Variants in CHMP4C observed in about 807,000 individuals in gnomAD.
CHMP4C encodes the protein charged multivesicular body protein 4C.
In CHMP4C, 28 loss-of-function variants were observed where a neutral mutation model predicts 29.0. The ratio of observed to expected loss-of-function variants is 0.97; its 90% CI spans 0.72 to 1.32. The LOEUF (loss-of-function observed/expected upper bound fraction) is 1.32. CHMP4C is among the 40% of genes most tolerant of loss of function. The probability of loss-of-function intolerance (pLI) is 0.00; values close to 1 mark genes in which losing one functional copy is unlikely to be tolerated. For synonymous variants in CHMP4C, 106 were observed against 102.4 expected (o/e 1.04, Z -0.21); for missense variants, 291 against 281.0 (o/e 1.04, Z -0.25).
intron 1 of CHMP4C, among the ~76,000 whole-genome samples, chr8:81,741,480 A>G (rs1808761254): frequency 6.6e-6 from 1 of 152,136 alleles, no homozygotes; most frequent in Non-Finnish European, 1.5e-5. Context: ...ATTTCTCAGT[A>G]CTTAGGACCA....
chr8:81,743,855 T>G (rs1443381937), intron 1 of CHMP4C, among the ~76,000 whole-genome samples: 1 of 152,218 alleles, frequency 6.6e-6, no homozygotes. Flanking sequence ...TTTGCCCGTT[T>G]GCTGTCTCTC....
chr8:81,739,421 G>GGT (rs1563618649), intron 1 of CHMP4C, among the ~76,000 whole-genome samples: 1 of 140,834 alleles, frequency 7.1e-6, no homozygotes. Context: ...GGGATTGTGG[G>GGT]GGGGGGTGGA....
chr8:81,744,136 C>T (rs1474123221), intron 1 of CHMP4C, among the ~76,000 whole-genome samples: 2 of 151,972 alleles, frequency 1.3e-5, no homozygotes, highest in Non-Finnish European at 2.9e-5. Context: ...TGCTATTTAC[C>T]CTCCATGTGA....
At chr8:81,747,980 AC>A (rs892771325) in intron 1 of CHMP4C, among the ~76,000 whole-genome samples, 1 of 152,054 alleles carries the variant, frequency 6.6e-6, no homozygotes, top group African/African-American at 2.4e-5. Flanking sequence ...GCTATGGGAG[AC>A]CGGAGTCTAT....
chr8:81,736,919 A>G (rs1808699443), intron 1 of CHMP4C, among the ~76,000 whole-genome samples: 1 of 152,196 alleles, frequency 6.6e-6, no homozygotes, highest in African/African-American at 2.4e-5. Flanking sequence ...CTCCCTTCAA[A>G]TTTATCTGGC....
rs370252028 is a variant in CHMP4C at position 81,750,303 on chromosome 8, C to A, written c.191-2761C>A. 5.3e-5 allele frequency among the ~76,000 whole-genome samples: 8 copies of A among 151,980 alleles called. No homozygotes were observed. In the East Asian group the frequency reaches 1.4e-3, roughly 26 times the overall value. ...CAAGGAATTCTCCCAGAACATAGAT[C>A]AAAAAGACAAGGAGGGCTGGGTGTG... On this transcript the variant is annotated intron_variant, in intron 1 of 4. Coordinates refer to ENST00000297265, the MANE Select transcript of CHMP4C (RefSeq NM_152284.4).
At chr8:81,752,970 CAGA>C (rs1808925526) in intron 1 of CHMP4C, 91 bp from the exon 2 acceptor site, 7 of 1,018,650 alleles carry the variant, frequency 6.9e-6, no homozygotes, top group African/African-American at 3.3e-5. Context: ...CCTTAGTTAT[CAGA>C]AGGTCTAAGT....
intron 2 of CHMP4C, among the ~76,000 whole-genome samples, chr8:81,754,292 A>T (rs1808944597): frequency 6.6e-6 from 1 of 152,126 alleles, no homozygotes; most frequent in South Asian, 2.1e-4. Context: ...TGGCAGCATC[A>T]TACCATTGTA....
rs563783712 is a variant in CHMP4C, at chr8:81,739,189, C to T, written c.190+6373C>T. Among the ~76,000 whole-genome samples, 1,097 of 150,000 alleles carry T rather than the reference C, an allele frequency of 7.3e-3. 13 individuals are homozygous for T. Among genetic ancestry groups the T allele is most frequent in the African/African-American group, 0.025 (1,020 of 40,712 alleles). On this transcript the variant is annotated intron_variant, in intron 1 of 4. Transcript: ENST00000297265. Reference sequence around the variant, plus strand: ...TCGGCTCACTGCAACCTCTGCCTCCCGGGTTCAAGTGATTCTCCTGCCTCA... The same window carrying T: ...TCGGCTCACTGCAACCTCTGCCTCCTGGGTTCAAGTGATTCTCCTGCCTCA...
At chr8:81,756,674 G>C (rs1585948713) in intron 3 of CHMP4C, among the ~76,000 whole-genome samples, 1 of 152,246 alleles carries the variant, frequency 6.6e-6, no homozygotes, top group Non-Finnish European at 1.5e-5. Flanking sequence ...GAAAATGATG[G>C]AGGAGATGAT....
Position 81,752,638 on chromosome 8 carries a change from CT to C in CHMP4C, c.191-425del, listed in dbSNP as rs1191295832. ...CCTTTAAGCAAGTCACTTCACTTCT[CT>C]GGTCTCAATGAACTTGCCTTTAAGA... On this transcript the variant is annotated intron_variant, in intron 1 of 4. Transcript: ENST00000297265. Among the ~76,000 whole-genome samples the C allele has an allele frequency of 2.0e-5, 3 of 152,258 alleles. No individual in the cohort carries two copies. In the East Asian group the frequency reaches 5.8e-4, roughly 29 times the overall value.
chr8:81,753,166 A>G lies in CHMP4C; in HGVS notation c.293A>G (p.Asn98Ser), dbSNP rs751281896. ...TIEFQREALE[N>S]SHTNTEVLRN... is the part of the protein sequence containing the mutation. ...GAGTTCCAGAGAGAAGCCCTGGAGA[A>G]CTCACACACCAACACTGAGGTGTTG... Residue 98 changes from asparagine (N) to serine (S), a missense_variant, in exon 2 of 5, where the codon AAC becomes AGC. Physicochemically the swap from Asn to Ser is conservative, Grantham distance 46. Transcript: ENST00000297265. 1 of 1,612,492 alleles carries G rather than the reference A, an allele frequency of 6.2e-7. No individual in the cohort carries two copies. Among genetic ancestry groups the G allele is most frequent in the Non-Finnish European group, 8.5e-7 (1 of 1,179,112 alleles).
intron 1 of CHMP4C, among the ~76,000 whole-genome samples, chr8:81,743,824 T>C (rs986366483): frequency 1.3e-5 from 2 of 152,186 alleles, no homozygotes; most frequent in Non-Finnish European, 2.9e-5. Context: ...TCATTTCTGT[T>C]GGAAAATAAC....
rs529679940 is a variant in CHMP4C at position 81,732,830 on chromosome 8, T to A, written c.190+14T>A. 1.9e-5 allele frequency: 30 copies of A among 1,607,996 alleles called. No homozygotes were observed. The highest frequency in any genetic ancestry group is 2.5e-5 in the Non-Finnish European group (29 of 1,177,250). On this transcript the variant is annotated intron_variant, in intron 1 of 4. Coordinates refer to ENST00000297265, the MANE Select transcript of CHMP4C (RefSeq NM_152284.4). ...AGAATAAGCGAGGTAGGCTGGGGTC[T>A]GGCCCACAGGCGGGAGCCCATCTGC... is the stretch of plus-strand genomic sequence containing the variant.
chr8:81,758,290 G>T lies in CHMP4C; in HGVS notation c.632G>T (p.Arg211Leu). The change falls in exon 4 of 5, where the codon CGA (arginine) becomes CTA (leucine). Residue 211 changes from arginine to leucine, a missense_variant. Arg to Leu is a moderately radical substitution (Grantham distance 102). Coordinates refer to ENST00000297265, the MANE Select transcript of CHMP4C (RefSeq NM_152284.4). ...ATGTCGTCCACTGCACGTCGATCCCGAGCAGGTCTGTTACCCAGCTCAACT... is the reference window on the plus strand; with the variant it reads ...ATGTCGTCCACTGCACGTCGATCCCTAGCAGGTCTGTTACCCAGCTCAACT... ...PGMSSTARRS[R>L]AASSQRAEEE... 1 of 1,613,904 alleles carries T rather than the reference G, an allele frequency of 6.2e-7. No homozygotes were observed. The highest frequency in any genetic ancestry group is 8.5e-7 in the Non-Finnish European group (1 of 1,179,906).
At chr8:81,734,837 A>G (rs1270034373) in intron 1 of CHMP4C, among the ~76,000 whole-genome samples, 1 of 152,196 alleles carries the variant, frequency 6.6e-6, no homozygotes, top group Non-Finnish European at 1.5e-5. Context: ...GCTAATTAAG[A>G]CTACCAATCT....
At chr8:81,749,488 G>C (rs1036433931) in intron 1 of CHMP4C, among the ~76,000 whole-genome samples, 59 of 152,104 alleles carry the variant, frequency 3.9e-4, no homozygotes, top group Non-Finnish European at 1.5e-5. Context: ...TTCTCCAAGG[G>C]CTTATAATTA....
intron 1 of CHMP4C, among the ~76,000 whole-genome samples, chr8:81,740,842 A>G (rs1393026196): frequency 6.6e-6 from 1 of 152,216 alleles, no homozygotes; most frequent in Non-Finnish European, 1.5e-5. Context: ...GGGATCTGGA[A>G]TAAGGTTCAG....
intron 1 of CHMP4C, among the ~76,000 whole-genome samples, chr8:81,750,478 T>C (rs1808886494): frequency 6.6e-6 from 1 of 151,072 alleles, no homozygotes; most frequent in South Asian, 2.1e-4. Context: ...CAGTGACATG[T>C]GCCTGTAGTT....
Sources: gnomAD v4.1 joint callset for allele counts (sites outside exome capture counted in the v4.1 genomes callset) on GRCh38, gnomAD v4.1.1 for gene constraint, MANE v1.5 for transcripts, NCBI Gene and HGNC (gene_info 2026-07-23, HGNC 2026-07-21) for gene names.